TEX11: variants seen among roughly 807,000 people sequenced by gnomAD.
The protein encoded by TEX11 is testis-expressed protein 11.
Under a neutral mutation model 84.4 loss-of-function variants are expected in TEX11, and 7 were observed. The ratio of observed to expected loss-of-function variants is 0.08; its 90% confidence interval spans 0.05 to 0.16. TEX11 has a LOEUF of 0.16. TEX11 is among the 10% of genes least tolerant of loss of function. The pLI is 1.00. For missense variants in TEX11, 551 were observed against 660.5 expected, an observed-to-expected ratio of 0.83 and a Z score of 1.82; for synonymous variants, 264 against 222.8, an observed-to-expected ratio of 1.18 and a Z score of -1.64.
At chrX:70,603,247 C>G (rs2089151476) in intron 24 of TEX11, among the ~76,000 whole-genome samples, 1 of 91,083 alleles carries the variant, frequency 1.1e-5, no homozygotes, top group Non-Finnish European at 2.2e-5. Flanking sequence ...ATCGCCAAGT[C>G]AATCCTAAGC....
intron 9 of TEX11, among the ~76,000 whole-genome samples, chrX:70,806,412 T>C (rs1284080494): frequency 9.6e-6 from 1 of 104,207 alleles, no homozygotes; most frequent in African/African-American, 3.6e-5. Context: ...GCAGAGATCA[T>C]GCCATTGCAC....
At chrX:70,858,276 C>T (rs1350396881) in intron 5 of TEX11, among the ~76,000 whole-genome samples, 1 of 108,250 alleles carries the variant, frequency 9.2e-6, no homozygotes, top group Non-Finnish European at 1.9e-5. Flanking sequence ...GGTAAAACTC[C>T]GTCTCTACTA....
intron 7 of TEX11, among the ~76,000 whole-genome samples, chrX:70,852,718 T>C (rs770627261): frequency 4.9e-4 from 55 of 111,928 alleles, no homozygotes; most frequent in Non-Finnish European, 6.8e-4. Context: ...TTAGGCAGAC[T>C]GTGAATGTAA....
intron 9 of TEX11, among the ~76,000 whole-genome samples, chrX:70,758,517 C>T (rs2090884636): frequency 8.9e-6 from 1 of 112,083 alleles, no homozygotes; most frequent in Non-Finnish European, 1.9e-5. Context: ...TCCTGAATGA[C>T]TACTGGGTAA....
At chrX:70,750,471 C>T (rs188569858) in intron 9 of TEX11, among the ~76,000 whole-genome samples, 30 of 111,004 alleles carry the variant, frequency 2.7e-4, no homozygotes, top group Admixed American at 2.3e-3. Context: ...GACACGCATA[C>T]GTATGTTTAT....
At chrX:70,742,259 A>G (rs749829786) in intron 10 of TEX11, among the ~76,000 whole-genome samples, 14 of 109,969 alleles carry the variant, frequency 1.3e-4, no homozygotes, top group Non-Finnish European at 2.5e-4. Flanking sequence ...TTTGTTCAAT[A>G]TTATAGGTGA....
intron 13 of TEX11, among the ~76,000 whole-genome samples, chrX:70,718,087 A>G (rs1008278257): frequency 2.7e-5 from 3 of 111,847 alleles, no homozygotes; most frequent in African/African-American, 9.7e-5. Context: ...CGGGTACCGT[A>G]TCAAGAGGAA....
intron 9 of TEX11, among the ~76,000 whole-genome samples, chrX:70,746,221 A>G (rs187683364): frequency 1.6e-4 from 18 of 111,282 alleles, no homozygotes; most frequent in Non-Finnish European, 2.5e-4. Flanking sequence ...CTAAAATCCT[A>G]GGCTATGGTT....
chrX:70,529,775 C>T (rs1244486919), intron 29 of TEX11, 60 bp downstream of exon 29: 53 of 1,104,866 alleles, frequency 4.8e-5, no homozygotes, highest in Non-Finnish European at 7.2e-6. Flanking sequence ...TGTGGAGAGC[C>T]CAGCCATAAC....
At chrX:70,838,874 G>T in intron 7 of TEX11, among the ~76,000 whole-genome samples, 1 of 112,549 alleles carries the variant, frequency 8.9e-6, no homozygotes, top group African/African-American at 3.2e-5. Context: ...CACCCATGGA[G>T]TCTCGCTCAT....
At chrX:70,822,501 T>C (rs1381768013) in intron 8 of TEX11, among the ~76,000 whole-genome samples, 2 of 110,667 alleles carry the variant, frequency 1.8e-5, no homozygotes, top group Non-Finnish European at 3.8e-5. Flanking sequence ...TATGTATATA[T>C]ACACACACAC....
At chrX:70,692,658 T>G (rs1490703615) in intron 13 of TEX11, among the ~76,000 whole-genome samples, 2 of 109,660 alleles carry the variant, frequency 1.8e-5, no homozygotes, top group Non-Finnish European at 3.8e-5. Flanking sequence ...TGTATACGTT[T>G]GCGTGTGTGT....
intron 20 of TEX11, among the ~76,000 whole-genome samples, chrX:70,616,245 A>T (rs1456273415): frequency 8.9e-6 from 1 of 111,994 alleles, no homozygotes; most frequent in African/African-American, 3.2e-5. Flanking sequence ...AGACATAGAC[A>T]GTATAAGATA....
At chrX:70,668,274 T>C (rs1161930263) in intron 16 of TEX11, among the ~76,000 whole-genome samples, 2 of 112,460 alleles carry the variant, frequency 1.8e-5, no homozygotes, top group Non-Finnish European at 3.8e-5. Context: ...CCAATAAACA[T>C]GGTTTCATAA....
chrX:70,659,263 A>G (rs1008503867), intron 16 of TEX11, among the ~76,000 whole-genome samples: 9 of 112,328 alleles, frequency 8.0e-5, no homozygotes, highest in Non-Finnish European at 1.5e-4. Flanking sequence ...ACTAAGAAAA[A>G]GACAACCCAC....
chrX:70,657,819 G>C (rs1443706249), intron 16 of TEX11, among the ~76,000 whole-genome samples: 1 of 101,260 alleles, frequency 9.9e-6, no homozygotes, highest in African/African-American at 3.6e-5. Context: ...GTAAACTATC[G>C]CAAGGACAAA....
chrX:70,834,991 G>A lies in TEX11; in HGVS notation c.526-1398C>T, dbSNP rs149182540. Among the ~76,000 whole-genome samples, 832 of 110,810 alleles carry A rather than the reference G, an allele frequency of 7.5e-3. 3 individuals are homozygous for A. Among genetic ancestry groups the A allele is most frequent in the African/African-American group, 0.027 (814 of 30,531 alleles). ...CTTCTAACTGCTGAATAGTAAGCCT[G>A]ACATCTTGCTGAGTAGATACTCTCT... On this transcript the variant is annotated intron_variant, in intron 7 of 29. Transcript: ENST00000374333.
chrX:70,598,127 G>C (rs1014178378), intron 24 of TEX11, among the ~76,000 whole-genome samples: 1 of 112,156 alleles, frequency 8.9e-6, no homozygotes, highest in African/African-American at 3.2e-5. Flanking sequence ...ATTGCAGTGA[G>C]CTGAGATCGT....
chrX:70,624,078 G>C, intron 19 of TEX11, 72 bp from the exon 20 acceptor site: 3 of 838,448 alleles, frequency 3.6e-6, no homozygotes, highest in Non-Finnish European at 5.1e-6. Flanking sequence ...TACATACCAA[G>C]TTACTAACCT....
Sources: gnomAD v4.1 joint callset for allele counts (sites outside exome capture counted in the v4.1 genomes callset) on GRCh38, gnomAD v4.1.1 for gene constraint, MANE v1.5 for transcripts, NCBI Gene and HGNC (gene_info 2026-07-23, HGNC 2026-07-21) for gene names.